The following UBR3 variants were observed in gnomAD, a reference collection of about 807,000 sequenced individuals.
UBR3 encodes the protein ubiquitin protein ligase E3 component n-recognin 3, also known as E3 ubiquitin-protein ligase UBR3.
Under a neutral mutation model 243.2 loss-of-function variants are expected in UBR3, and 85 were observed. The ratio of observed to expected loss-of-function variants is 0.35; its 90% CI spans 0.29 to 0.42. UBR3 has a LOEUF of 0.42. Ranked by LOEUF, UBR3 falls within the 10% of genes least tolerant of loss-of-function variation. The probability of loss-of-function intolerance (pLI) is 1.00; values close to 1 mark genes in which losing one functional copy is unlikely to be tolerated. For missense variants in UBR3, 1,686 were observed against 2,300.8 expected, an observed-to-expected ratio of 0.73 and a Z score of 5.47; for synonymous variants, 748 against 799.8, an observed-to-expected ratio of 0.94 and a Z score of 1.09.
chr2:169,946,290 T>G lies in UBR3; in HGVS notation c.2808T>G (p.Ile936Met). 6.7e-7 allele frequency: 1 copy of G among 1,482,392 alleles called. No homozygotes were observed. Among genetic ancestry groups the G allele is most frequent in the Non-Finnish European group, 9.0e-7 (1 of 1,114,344 alleles). 91.8% of individuals were successfully genotyped at this position (1,482,392 alleles called of 1,614,324 possible). The change falls in exon 21 of 39, where the codon ATT becomes ATG. Residue 936 changes from isoleucine to methionine, a missense_variant and splice_region_variant. Physicochemically the swap from Ile to Met is conservative, Grantham distance 10 (BLOSUM62 1). Transcript: ENST00000272793. ...GGCATTTTCTTCCCTTTTTAAAGAT[T>G]TTGATGGATCATCAAAATCTGTCAG... The part of the protein sequence containing the change: ...HIVLFTLLYK[I>M]LMDHQNLSEH...
intron 1 of UBR3, among the ~76,000 whole-genome samples, chr2:169,845,447 GT>G (rs200597226): frequency 2.0e-4 from 27 of 138,204 alleles, no homozygotes; most frequent in African/African-American, 4.4e-4. Context: ...GAAATTTTGA[GT>G]TTTTTTTTTT....
intron 24 of UBR3, among the ~76,000 whole-genome samples, chr2:169,975,293 T>G (rs558926208): frequency 3.3e-5 from 5 of 152,344 alleles, no homozygotes; most frequent in African/African-American, 9.6e-5. Flanking sequence ...AATTTCCAGT[T>G]ATATTCCATT....
intron 31 of UBR3, among the ~76,000 whole-genome samples, chr2:170,034,371 T>C (rs1029974391): frequency 2.6e-5 from 4 of 152,014 alleles, no homozygotes; most frequent in African/African-American, 9.7e-5. Context: ...CAACCACTGA[T>C]CTTTTTACTC....
At chr2:169,931,500 C>A (rs762110952) in intron 18 of UBR3, among the ~76,000 whole-genome samples, 21 of 151,622 alleles carry the variant, frequency 1.4e-4, no homozygotes, top group Non-Finnish European at 2.6e-4. Context: ...CAGTGGTTAA[C>A]AATGGTTAAC....
At chr2:169,969,422 A>C (rs889267504) in intron 24 of UBR3, among the ~76,000 whole-genome samples, 1 of 152,194 alleles carries the variant, frequency 6.6e-6, no homozygotes, top group African/African-American at 2.4e-5. Context: ...TTGGTTTTCC[A>C]AACATCATTT....
intron 2 of UBR3, among the ~76,000 whole-genome samples, chr2:169,875,301 G>A (rs941140660): frequency 3.9e-5 from 6 of 152,026 alleles, no homozygotes; most frequent in Non-Finnish European, 8.8e-5. Context: ...ATATGTGGAA[G>A]TATAGGGCCC....
chr2:170,023,675 C>T (rs1411192047), intron 30 of UBR3, among the ~76,000 whole-genome samples: 1 of 152,140 alleles, frequency 6.6e-6, no homozygotes, highest in African/African-American at 2.4e-5. Flanking sequence ...TCACTGCAAC[C>T]TCTGTCTCCC....
At chr2:169,929,602 G>A (rs1208816963) in intron 18 of UBR3, among the ~76,000 whole-genome samples, 1 of 151,970 alleles carries the variant, frequency 6.6e-6, no homozygotes, top group Non-Finnish European at 1.5e-5. Context: ...CACATAGAAT[G>A]CTGATAGCAC....
chr2:169,952,305 T>C (rs1012303032), intron 23 of UBR3, among the ~76,000 whole-genome samples: 7 of 152,184 alleles, frequency 4.6e-5, no homozygotes, highest in Non-Finnish European at 1.0e-4. Context: ...AAGAAACTTA[T>C]CAAAATTGTT....
In UBR3 at chr2:170,019,917, A is replaced by G. The variant is rs543348379; in HGVS notation, c.4453+4551A>G. On this transcript the variant is annotated intron_variant, in intron 30 of 38. Transcript: ENST00000272793. ...CAGCCTCCCGAGTAGCTAGGACAGC[A>G]GACACACACCATCAGGCCCGACTAA... 5.9e-4 allele frequency among the ~76,000 whole-genome samples: 90 copies of G among 152,094 alleles called. 1 individual carries two copies. In the East Asian group the frequency reaches 6.8e-3, roughly 12 times the overall value.
intron 26 of UBR3, among the ~76,000 whole-genome samples, chr2:169,999,916 C>G (rs559068475): frequency 3.3e-5 from 5 of 152,022 alleles, no homozygotes; most frequent in Admixed American, 2.0e-4. Flanking sequence ...TCCCTGAGGT[C>G]GGGAGTTCGA....
rs536555675 is a variant in UBR3 at position 170,043,644 on chromosome 2, ATACT to A, written c.4660+2662_4660+2665del. The stretch of plus-strand genomic sequence containing the variant: ...TTCATTGCTTGATTCAGTTCAAGAA[ATACT>A]TAATAAGTACCTACTGTGTACCAGG... On this transcript the variant is annotated intron_variant, in intron 32 of 38. Transcript: ENST00000272793. Among the ~76,000 whole-genome samples, 68 of 152,346 alleles carry A rather than the reference ATACT, an allele frequency of 4.5e-4. 2 individuals are homozygous for A. The highest frequency in any genetic ancestry group is 3.2e-4 in the Non-Finnish European group (22 of 68,032).
intron 33 of UBR3, among the ~76,000 whole-genome samples, chr2:170,060,730 A>G (rs1574465967): frequency 6.6e-6 from 1 of 152,012 alleles, no homozygotes; most frequent in Middle Eastern, 3.4e-3. Context: ...GCTGTACTGG[A>G]TGTCTTGTAC....
chr2:169,899,681 T>A (rs2084736752), intron 8 of UBR3, among the ~76,000 whole-genome samples: 1 of 151,974 alleles, frequency 6.6e-6, no homozygotes, highest in African/African-American at 2.4e-5. Context: ...GCCTGGTGTG[T>A]GATGTCCGCC....
At chr2:169,857,899 G>A (rs893805967) in intron 1 of UBR3, among the ~76,000 whole-genome samples, 30 of 151,972 alleles carry the variant, frequency 2.0e-4, no homozygotes, top group African/African-American at 6.5e-4. Context: ...GCACCACCAC[G>A]CCTGCCTAAA....
At chr2:170,047,200 G>A (rs55949685) in intron 32 of UBR3, among the ~76,000 whole-genome samples, 1 of 148,168 alleles carries the variant, frequency 6.7e-6, no homozygotes, top group Non-Finnish European at 1.5e-5. Context: ...TGTCGGGGGG[G>A]GGGTCTCACT....
intron 29 of UBR3, among the ~76,000 whole-genome samples, chr2:170,010,110 A>AT (rs1460397013): frequency 6.6e-6 from 1 of 152,178 alleles, no homozygotes; most frequent in African/African-American, 2.4e-5. Flanking sequence ...TAGTCTATAT[A>AT]TTCCTAGCCT....
chr2:169,986,770 G>A lies in UBR3; in HGVS notation c.3760G>A (p.Val1254Ile). 1 of 1,614,048 alleles carries A rather than the reference G, an allele frequency of 6.2e-7. No individual in the cohort carries two copies. Among genetic ancestry groups the A allele is most frequent in the Non-Finnish European group, 8.5e-7 (1 of 1,179,998 alleles). Reference sequence around the variant, plus strand: ...CTCTGAAGATCGACCTACTGGATTAGTTGTACTGTTACAAGCATCCTCAGG... The same window carrying A: ...CTCTGAAGATCGACCTACTGGATTAATTGTACTGTTACAAGCATCCTCAGG... ...PSSEDRPTGL[V>I]VLLQASSVLG... The change falls in exon 25 of 39, where the codon GTT becomes ATT. Residue 1254 changes from valine to isoleucine, a missense_variant. Physicochemically the swap from Val to Ile is conservative, Grantham distance 29. Around this residue, in one of 8 missense-constraint regions of UBR3, gnomAD observed 156 missense variants for 246.3 expected, o/e 0.63. Coordinates refer to ENST00000272793, the MANE Select transcript of UBR3 (RefSeq NM_172070.4).
chr2:169,947,458 T>C, intron 21 of UBR3, 84 bp from the exon 22 acceptor site: 3 of 1,085,718 alleles, frequency 2.8e-6, no homozygotes, highest in Non-Finnish European at 3.6e-6. Flanking sequence ...AGGCAGTGGA[T>C]GATTTTGGGG....
Sources: gnomAD v4.1 joint callset for allele counts (sites outside exome capture counted in the v4.1 genomes callset) on GRCh38, gnomAD v4.1.1 for gene constraint, gnomAD v4.1.1 regional missense constraint, MANE v1.5 for transcripts, NCBI Gene and HGNC (gene_info 2026-07-23, HGNC 2026-07-21) for gene names.